GALNTL6: variants seen among roughly 807,000 people sequenced by gnomAD.
The protein encoded by GALNTL6 is polypeptide N-acetylgalactosaminyltransferase like 6.
Under a neutral mutation model 73.7 loss-of-function variants are expected in GALNTL6, and 46 were observed. The observed-to-expected ratio is 0.62, with a 90% confidence interval of 0.49 to 0.80. GALNTL6 has a LOEUF of 0.80. GALNTL6 is among the 30% of genes least tolerant of loss of function. The pLI, the probability that GALNTL6 is intolerant of heterozygous loss-of-function variation, is 0.00. For synonymous variants in GALNTL6, 259 were observed against 263.7 expected, an observed-to-expected ratio of 0.98 and a Z score of 0.17; for missense variants, 604 against 755.0, an observed-to-expected ratio of 0.80 and a Z score of 2.34.
At chr4:172,467,547 AG>A (rs1003511014) in intron 5 of GALNTL6, among the ~76,000 whole-genome samples, 3 of 152,020 alleles carry the variant, frequency 2.0e-5, no homozygotes, top group Non-Finnish European at 2.9e-5. Flanking sequence ...TCACAGGGAG[AG>A]GGGGAAAGAG....
chr4:172,169,258 G>T (rs916761231), intron 2 of GALNTL6, among the ~76,000 whole-genome samples: 1 of 152,186 alleles, frequency 6.6e-6, no homozygotes, highest in Non-Finnish European at 1.5e-5. Context: ...GTTAGCTGGA[G>T]GAAGAAGAGG....
At chr4:172,153,000 A>G (rs116202832) in intron 2 of GALNTL6, among the ~76,000 whole-genome samples, 210 of 152,334 alleles carry the variant, frequency 1.4e-3, no homozygotes, top group Admixed American at 2.8e-3. Context: ...ATAATGAGTG[A>G]AAGGATGTTT....
chr4:171,879,795 G>C (rs1483913416), intron 2 of GALNTL6, among the ~76,000 whole-genome samples: 2 of 152,060 alleles, frequency 1.3e-5, no homozygotes, highest in East Asian at 3.9e-4. Context: ...ATACATAATA[G>C]AGCCTAAGTA....
chr4:172,701,892 T>G (rs530441054), intron 5 of GALNTL6, among the ~76,000 whole-genome samples: 1 of 152,060 alleles, frequency 6.6e-6, no homozygotes, highest in Admixed American at 6.6e-5. Context: ...AAAACAGTGT[T>G]TTAAGAATTA....
intron 2 of GALNTL6, among the ~76,000 whole-genome samples, chr4:172,145,726 G>C (rs554301500): frequency 6.6e-6 from 1 of 152,162 alleles, no homozygotes; most frequent in African/African-American, 2.4e-5. Context: ...CGTGGCTACA[G>C]GTAATCATAC....
intron 2 of GALNTL6, among the ~76,000 whole-genome samples, chr4:171,980,024 A>G (rs568643529): frequency 1.3e-3 from 196 of 152,310 alleles, no homozygotes; most frequent in African/African-American, 4.3e-3. Flanking sequence ...CAAGTAAATA[A>G]TTAGTTGCTT....
chr4:172,120,749 G>C (rs1579158399), intron 2 of GALNTL6, among the ~76,000 whole-genome samples: 1 of 152,214 alleles, frequency 6.6e-6, no homozygotes. Context: ...TTTCCTGTCA[G>C]AGTTGCCAAT....
chr4:172,996,258 G>C (rs886776789), intron 10 of GALNTL6, among the ~76,000 whole-genome samples: 6 of 152,138 alleles, frequency 3.9e-5, no homozygotes, highest in African/African-American at 1.4e-4. Context: ...TGAAGCTGGA[G>C]GCCGTTATCC....
intron 2 of GALNTL6, among the ~76,000 whole-genome samples, chr4:172,096,287 G>T (rs1732356212): frequency 6.6e-6 from 1 of 152,070 alleles, no homozygotes; most frequent in Non-Finnish European, 1.5e-5. Flanking sequence ...AGAGACAGGG[G>T]TCTCACTATG....
intron 8 of GALNTL6, among the ~76,000 whole-genome samples, chr4:172,892,794 C>G (rs189125198): frequency 3.3e-5 from 5 of 152,184 alleles, no homozygotes; most frequent in South Asian, 4.1e-4. Context: ...ATTGGTGTTG[C>G]CTCCATGATT....
At chr4:171,841,132 A>T (rs2110843174) in intron 2 of GALNTL6, among the ~76,000 whole-genome samples, 1 of 152,316 alleles carries the variant, frequency 6.6e-6, no homozygotes, top group East Asian at 1.9e-4. Flanking sequence ...GTTTCTTTTC[A>T]GGCTGACTTT....
At chr4:172,550,751 C>T (rs1735927258) in intron 5 of GALNTL6, among the ~76,000 whole-genome samples, 1 of 152,132 alleles carries the variant, frequency 6.6e-6, no homozygotes, top group African/African-American at 2.4e-5. Context: ...GTGTGCATCA[C>T]CATGCCCAGC....
intron 2 of GALNTL6, among the ~76,000 whole-genome samples, chr4:171,878,583 A>C (rs966957449): frequency 6.6e-6 from 1 of 151,966 alleles, no homozygotes; most frequent in Admixed American, 6.6e-5. Flanking sequence ...CATGTATATT[A>C]TTTTTTTCAT....
chr4:172,080,662 C>T (rs896749857), intron 2 of GALNTL6, among the ~76,000 whole-genome samples: 2 of 151,340 alleles, frequency 1.3e-5, no homozygotes, highest in African/African-American at 2.4e-5. Context: ...TGTTGTATAT[C>T]GTATATCAAT....
At chr4:172,339,115 G>A (rs539616234) in intron 4 of GALNTL6, among the ~76,000 whole-genome samples, 1 of 152,072 alleles carries the variant, frequency 6.6e-6, no homozygotes, top group Non-Finnish European at 1.5e-5. Flanking sequence ...GCGTAAGAAC[G>A]ATGGGACAGA....
In GALNTL6 at chr4:172,294,361, A is replaced by T. The variant is rs1415388638; in HGVS notation, c.248-17253A>T. Among the ~76,000 whole-genome samples, 3 of 152,136 alleles carry T rather than the reference A, an allele frequency of 2.0e-5. No homozygotes were observed. In the East Asian group the frequency reaches 5.8e-4, roughly 29 times the overall value. On this transcript the variant is annotated intron_variant, in intron 3 of 12. Transcript: ENST00000506823. The stretch of plus-strand genomic sequence containing the variant: ...ATTATTGTATTGCCCATTTTCTTAG[A>T]TGTAGTTAAAAATGTTCAGTCCATG...
At chr4:172,767,339 T>G (rs990371708) in intron 5 of GALNTL6, among the ~76,000 whole-genome samples, 9 of 152,176 alleles carry the variant, frequency 5.9e-5, no homozygotes, top group African/African-American at 2.2e-4. Context: ...GATGTACCAA[T>G]GTATACAATG....
At chr4:172,481,170 T>C (rs1469342178) in intron 5 of GALNTL6, among the ~76,000 whole-genome samples, 1 of 151,912 alleles carries the variant, frequency 6.6e-6, no homozygotes, top group Non-Finnish European at 1.5e-5. Flanking sequence ...GCTTCAGGAG[T>C]GAAGCTGCAG....
intron 9 of GALNTL6, among the ~76,000 whole-genome samples, chr4:172,949,069 C>G (rs1451288880): frequency 6.6e-6 from 1 of 152,198 alleles, no homozygotes; most frequent in African/African-American, 2.4e-5. Flanking sequence ...CAACAATTTA[C>G]CATTTAGCAA....
Sources: allele counts gnomAD v4.1 joint callset (sites outside exome capture counted in the v4.1 genomes callset), GRCh38; gene constraint gnomAD v4.1.1; transcripts MANE v1.5; gene names NCBI Gene and HGNC (gene_info 2026-07-23, HGNC 2026-07-21).